BRWD3: variants seen among roughly 807,000 people sequenced by gnomAD.
BRWD3 encodes bromodomain and WD repeat-containing protein 3.
BRWD3 carries 10 observed loss-of-function variants against 149.7 expected under a neutral mutation model. That is an observed-to-expected ratio of 0.07 (90% CI 0.04 to 0.11). The LOEUF (loss-of-function observed/expected upper bound fraction) is 0.11, where lower values mean the gene tolerates loss of function less well. Among genes scored for constraint, BRWD3 ranks in the 10% least tolerant of loss-of-function variants. The pLI is 1.00. For synonymous variants in BRWD3, 504 were observed against 456.7 expected, an observed-to-expected ratio of 1.10 and a Z score of -1.32; for missense variants, 940 against 1,373.2, an observed-to-expected ratio of 0.68 and a Z score of 4.99.
Position 80,790,391 on chromosome X carries a change from CTT to C in BRWD3, c.430+1461_430+1462del, listed in dbSNP as rs781381085. On this transcript the variant is annotated intron_variant, in intron 6 of 40. Coordinates refer to ENST00000373275, the MANE Select transcript of BRWD3 (RefSeq NM_153252.5). ...TTGTCAGGCTTTGAATTCTAAATAA[CTT>C]AAACTTAAGCATCTTGAGTACCAGT... 4.6e-3 allele frequency among the ~76,000 whole-genome samples: 505 copies of C among 110,126 alleles called. 3 individuals carry two copies. Among genetic ancestry groups the C allele is most frequent in the African/African-American group, 0.016 (472 of 30,292 alleles).
At chrX:80,757,228 T>TA (rs1316837836) in intron 6 of BRWD3, among the ~76,000 whole-genome samples, 2 of 111,984 alleles carry the variant, frequency 1.8e-5, no homozygotes, top group Non-Finnish European at 3.8e-5. Context: ...CTCTATTTAC[T>TA]AAAAAATTTA....
At chrX:80,716,704 T>A (rs1412769221) in intron 19 of BRWD3, among the ~76,000 whole-genome samples, 1 of 112,328 alleles carries the variant, frequency 8.9e-6, no homozygotes, top group Non-Finnish European at 1.9e-5. Flanking sequence ...CCACAATTTG[T>A]TTATCTATTC....
At chrX:80,705,093 C>T in intron 22 of BRWD3, among the ~76,000 whole-genome samples, 1 of 110,650 alleles carries the variant, frequency 9.0e-6, no homozygotes, top group Non-Finnish European at 1.9e-5. Flanking sequence ...TGGCAAAACC[C>T]CGTCTCTACT....
chrX:80,809,587 C>T lies in BRWD3; in HGVS notation c.-116G>A, dbSNP rs1226980815. On this transcript the variant is annotated 5_prime_UTR_variant, in exon 1 of 41. Coordinates refer to ENST00000373275, the MANE Select transcript of BRWD3 (RefSeq NM_153252.5). ...CCCGGGAGTCCCGCCGCTTCCGCCG[C>T]ACTCCTCGTCCTAGTTTCGCTCTCT... The T allele has an allele frequency of 4.3e-6, 2 of 468,651 alleles. No individual in the cohort carries two copies. The highest frequency in any genetic ancestry group is 7.4e-6 in the Non-Finnish European group (2 of 269,402). 38.6% of individuals were successfully genotyped at this position (468,651 alleles called of 1,213,427 possible). A position where few individuals can be genotyped will look rare whatever the true frequency, so the allele number is the denominator to read the frequency against.
chrX:80,699,872 T>C (rs2072756782), intron 25 of BRWD3, 85 bp downstream of exon 25: 2 of 673,049 alleles, frequency 3.0e-6, no homozygotes, highest in Non-Finnish European at 4.7e-6. Context: ...GAAATATGCA[T>C]AAAACTGAGG....
At chrX:80,791,438 C>T (rs1252100826) in intron 6 of BRWD3, among the ~76,000 whole-genome samples, 1 of 111,323 alleles carries the variant, frequency 9.0e-6, no homozygotes, top group African/African-American at 3.3e-5. Flanking sequence ...TAAACTGGAA[C>T]CAAGAAAGGT....
chrX:80,748,978 T>A (rs2073629733), intron 6 of BRWD3, among the ~76,000 whole-genome samples: 1 of 112,144 alleles, frequency 8.9e-6, no homozygotes. Context: ...TTCAAAAGTA[T>A]GTTGCTTAAT....
At chrX:80,714,219 C>CTTTT (rs987098536) in intron 20 of BRWD3, among the ~76,000 whole-genome samples, 45 of 61,795 alleles carry the variant, frequency 7.3e-4, no homozygotes, top group Non-Finnish European at 8.8e-4. Flanking sequence ...AAACCTTCAT[C>CTTTT]TTTTTTTTTT....
intron 21 of BRWD3, among the ~76,000 whole-genome samples, chrX:80,708,171 A>G (rs1442583560): frequency 2.7e-5 from 3 of 111,540 alleles, no homozygotes; most frequent in Non-Finnish European, 5.6e-5. Flanking sequence ...CAAGGCAGGC[A>G]GATCACCTGA....
At chrX:80,808,432 G>C in intron 4 of BRWD3, 107 bp downstream of exon 4, 1 of 608,729 alleles carries the variant, frequency 1.6e-6, no homozygotes. Context: ...GCTCTGCACC[G>C]AGCTCTAGAA....
chrX:80,713,310 G>C (rs1365047387), intron 20 of BRWD3, among the ~76,000 whole-genome samples: 2 of 112,151 alleles, frequency 1.8e-5, no homozygotes, highest in Non-Finnish European at 3.8e-5. Flanking sequence ...GTAGAAAGAA[G>C]TAGACATGGG....
At chrX:80,784,751 G>C (rs2074091597) in intron 6 of BRWD3, among the ~76,000 whole-genome samples, 2 of 112,116 alleles carry the variant, frequency 1.8e-5, no homozygotes, top group Admixed American at 9.5e-5. Context: ...AGTATTCCAT[G>C]GTGTATATGT....
At chrX:80,734,270 C>A (rs1211389476) in intron 10 of BRWD3, 52 bp from the exon 11 acceptor site, 1 of 798,094 alleles carries the variant, frequency 1.3e-6, no homozygotes, top group Admixed American at 2.3e-5. Context: ...CCTTAAAAAC[C>A]CTCTCATTAC....
intron 4 of BRWD3, among the ~76,000 whole-genome samples, chrX:80,802,592 C>T (rs1255122817): frequency 9.1e-6 from 1 of 109,651 alleles, no homozygotes; most frequent in Non-Finnish European, 1.9e-5. Flanking sequence ...TAAAATGTAG[C>T]GAACAATTCA....
intron 4 of BRWD3, among the ~76,000 whole-genome samples, chrX:80,807,240 T>G (rs754892510): frequency 2.7e-5 from 3 of 111,640 alleles, no homozygotes; most frequent in Non-Finnish European, 5.6e-5. Flanking sequence ...ATCTGAGAAA[T>G]TGTTACTATT....
intron 28 of BRWD3, among the ~76,000 whole-genome samples, chrX:80,692,606 TTAAG>T (rs2072627062): frequency 8.9e-6 from 1 of 112,333 alleles, no homozygotes; most frequent in South Asian, 3.7e-4. Flanking sequence ...AACAATTACT[TTAAG>T]TAGTAAATTA....
chrX:80,777,669 A>T (rs900401994), intron 6 of BRWD3, among the ~76,000 whole-genome samples: 2 of 111,642 alleles, frequency 1.8e-5, no homozygotes, highest in Non-Finnish European at 3.8e-5. Flanking sequence ...AACTGTTGGG[A>T]TTACAGGCAC....
intron 8 of BRWD3, among the ~76,000 whole-genome samples, chrX:80,741,618 G>A (rs2073506543): frequency 8.9e-6 from 1 of 111,921 alleles, no homozygotes; most frequent in South Asian, 3.7e-4. Context: ...GGTGTGAGAT[G>A]GTATCTCACT....
At chrX:80,686,638 G>T (rs967128621) in intron 35 of BRWD3, among the ~76,000 whole-genome samples, 1 of 110,474 alleles carries the variant, frequency 9.1e-6, no homozygotes, top group African/African-American at 3.3e-5. Context: ...AACAGCAAAT[G>T]AATTCTGATT....
Sources: allele counts gnomAD v4.1 joint callset (sites outside exome capture counted in the v4.1 genomes callset), GRCh38; gene constraint gnomAD v4.1.1; transcripts MANE v1.5; gene names NCBI Gene and HGNC (gene_info 2026-07-23, HGNC 2026-07-21).